The following ITGB8 variants were observed in gnomAD, a reference collection of about 807,000 sequenced individuals.
ITGB8 encodes integrin beta-8.
Under a neutral mutation model 89.5 loss-of-function variants are expected in ITGB8, and 30 were observed. The ratio of observed to expected loss-of-function variants is 0.34; its 90% CI spans 0.25 to 0.45. ITGB8 has a LOEUF of 0.45. Ranked by LOEUF, ITGB8 falls within the 20% of genes least tolerant of loss-of-function variation. The pLI is 1.00. For synonymous variants in ITGB8, 335 were observed against 320.4 expected, an observed-to-expected ratio of 1.05 and a Z score of -0.49; for missense variants, 836 against 933.3, an observed-to-expected ratio of 0.90 and a Z score of 1.36.
chr7:20,395,321 C>T (rs1787026302), intron 8 of ITGB8, among the ~76,000 whole-genome samples: 1 of 152,170 alleles, frequency 6.6e-6, no homozygotes, highest in African/African-American at 2.4e-5. Flanking sequence ...ATTTCCTATG[C>T]CGTAATGATA....
rs1784387129 is a variant in ITGB8 at position 20,331,422 on chromosome 7, G to C, written c.-385G>C. 2 of 403,476 alleles carry C rather than the reference G, an allele frequency of 5.0e-6. No homozygotes were observed. The highest frequency in any genetic ancestry group is 1.3e-4 in the South Asian group (1 of 7,812). 25.0% of individuals were successfully genotyped at this position (403,476 alleles called of 1,614,324 possible). A position where few individuals can be genotyped will look rare whatever the true frequency, so the allele number is the denominator to read the frequency against. ...TGGGTTTGATTGTGTTTGGCTCTTCGCTAAGCTGATTTATGCAGCAGAAGC... is the reference window on the plus strand; with the variant it reads ...TGGGTTTGATTGTGTTTGGCTCTTCCCTAAGCTGATTTATGCAGCAGAAGC... On this transcript the variant is annotated 5_prime_UTR_variant, in exon 1 of 14. Transcript: ENST00000222573.
Position 20,404,789 on chromosome 7 carries a change from C to T in ITGB8, c.1849C>T (p.Pro617Ser). The T allele has an allele frequency of 6.2e-7, 1 of 1,614,180 alleles. No homozygotes were observed. Among genetic ancestry groups the T allele is most frequent in the Non-Finnish European group, 8.5e-7 (1 of 1,180,030 alleles). ...GTGTGGAAGGTGTGAGTGCACCGATCCCAGGAGCATCGGCCGCTTCTGTGA... is the reference window on the plus strand; with the variant it reads ...GTGTGGAAGGTGTGAGTGCACCGATTCCAGGAGCATCGGCCGCTTCTGTGA... ...CVCGRCECTDPRSIGRFCEHC... is the reference protein window; with the variant it reads ...CVCGRCECTDSRSIGRFCEHC... The change falls in exon 11 of 14, where the codon CCC becomes TCC. Residue 617 changes from proline (P) to serine (S), a missense_variant. Coordinates refer to ENST00000222573, the MANE Select transcript of ITGB8 (RefSeq NM_002214.3).
rs549274217 is a variant in ITGB8 at position 20,370,029 on chromosome 7, A to T, written c.388+2843A>T. Among the ~76,000 whole-genome samples, 272 of 152,108 alleles carry T rather than the reference A, an allele frequency of 1.8e-3. 1 individual carries two copies. Among genetic ancestry groups the T allele is most frequent in the African/African-American group, 6.4e-3 (264 of 41,562 alleles). ...GAACTAAGCATCCAAAGATATAAGAAGAAGATAAACAAAAAAAACATAAGA... is the reference window on the plus strand; with the variant it reads ...GAACTAAGCATCCAAAGATATAAGATGAAGATAAACAAAAAAAACATAAGA... On this transcript the variant is annotated intron_variant, in intron 3 of 13. Coordinates refer to ENST00000222573, the MANE Select transcript of ITGB8 (RefSeq NM_002214.3).
At chr7:20,353,705 G>A (rs79182292) in intron 1 of ITGB8, among the ~76,000 whole-genome samples, 11,237 of 147,290 alleles carry the variant, frequency 0.076, 648 homozygotes, top group East Asian at 0.19. Flanking sequence ...AGGCCGAGGC[G>A]GGCGGATCAC....
chr7:20,402,041 C>A lies in ITGB8; in HGVS notation c.1602C>A (p.His534Gln). The A allele has an allele frequency of 6.2e-7, 1 of 1,614,084 alleles. No individual in the cohort carries two copies. The highest frequency in any genetic ancestry group is 1.1e-5 in the South Asian group (1 of 91,078). The change falls in exon 10 of 14, where the codon CAC becomes CAA. Residue 534 changes from histidine to glutamine, a missense_variant. Physicochemically the swap from His to Gln is conservative, Grantham distance 24. Coordinates refer to ENST00000222573, the MANE Select transcript of ITGB8 (RefSeq NM_002214.3). ...GVCVCGKCSC[H>Q]KIKLGKVYGK... ...GTGTTTGTGGGAAATGTTCATGTCA[C>A]AAAATTAAGCTTGGAAAAGTGTATG...
At chr7:20,380,536 C>G in intron 4 of ITGB8, 130 bp from the exon 5 acceptor site, 1 of 677,416 alleles carries the variant, frequency 1.5e-6, no homozygotes, top group Non-Finnish European at 2.5e-6. Context: ...CATAGATTTT[C>G]GTCGTATAAA....
Position 20,409,694 on chromosome 7 carries a change from C to A in ITGB8, c.2103C>A (p.Val701=). ...IVTFLIGLLK[V]LIIRQVILQW... is the part of the protein sequence containing the mutation. ...CATTCTTGATTGGGTTGCTTAAAGTCCTGATCATTAGACAGGTGATACTAC... is the reference window on the plus strand; with the variant it reads ...CATTCTTGATTGGGTTGCTTAAAGTACTGATCATTAGACAGGTGATACTAC... Residue 701 remains valine (V), a synonymous_variant, in exon 13 of 14, where the codon GTC becomes GTA. Coordinates refer to ENST00000222573, the MANE Select transcript of ITGB8 (RefSeq NM_002214.3). 2 of 1,610,130 alleles carry A rather than the reference C, an allele frequency of 1.2e-6. No homozygotes were observed. The highest frequency in any genetic ancestry group is 2.2e-5 in the South Asian group (2 of 90,816).
intron 12 of ITGB8, 90 bp from the exon 13 acceptor site, chr7:20,409,525 T>C: frequency 1.3e-6 from 1 of 789,922 alleles, no homozygotes; most frequent in Non-Finnish European, 1.9e-6. Context: ...TTTGGCACTA[T>C]TAATTGAAGT....
chr7:20,405,374 A>C (rs1787495127), intron 11 of ITGB8, among the ~76,000 whole-genome samples: 1 of 150,094 alleles, frequency 6.7e-6, no homozygotes, highest in African/African-American at 2.4e-5. Flanking sequence ...GCTGGAGTGC[A>C]GTGACATGTC....
At chr7:20,383,418 C>G (rs746629645) in intron 6 of ITGB8, among the ~76,000 whole-genome samples, 1 of 152,140 alleles carries the variant, frequency 6.6e-6, no homozygotes, top group Non-Finnish European at 1.5e-5. Context: ...TCTTATCTAT[C>G]TTTCCTTCTA....
At chr7:20,372,777 A>G (rs1785987428) in intron 3 of ITGB8, among the ~76,000 whole-genome samples, 1 of 152,198 alleles carries the variant, frequency 6.6e-6, no homozygotes, top group Non-Finnish European at 1.5e-5. Context: ...TAACGTGTGT[A>G]AGTCATCTTT....
At chr7:20,399,149 G>A in intron 9 of ITGB8, 155 bp downstream of exon 9, 1 of 710,624 alleles carries the variant, frequency 1.4e-6, no homozygotes, top group African/African-American at 1.8e-5. Context: ...TCTCCTCAAA[G>A]TTCCTACTTG....
chr7:20,378,235 G>A (rs1431808334), intron 3 of ITGB8, among the ~76,000 whole-genome samples: 1 of 152,130 alleles, frequency 6.6e-6, no homozygotes, highest in African/African-American at 2.4e-5. Flanking sequence ...TCCCTGCGGG[G>A]ACTACCGACA....
chr7:20,390,499 T>C (rs2127972151), intron 6 of ITGB8, among the ~76,000 whole-genome samples: 1 of 152,258 alleles, frequency 6.6e-6, no homozygotes, highest in Admixed American at 6.5e-5. Context: ...TCAATTTTCC[T>C]ACTCTTCTCT....
intron 1 of ITGB8, among the ~76,000 whole-genome samples, chr7:20,334,591 C>A (rs1340497691): frequency 1.3e-5 from 2 of 152,086 alleles, no homozygotes; most frequent in Admixed American, 1.3e-4. Flanking sequence ...TCATTACTTC[C>A]CCTCAAAGCG....
intron 1 of ITGB8, among the ~76,000 whole-genome samples, chr7:20,354,544 A>G (rs1377730319): frequency 6.6e-6 from 1 of 152,198 alleles, no homozygotes; most frequent in Non-Finnish European, 1.5e-5. Flanking sequence ...CAGTTCTGAG[A>G]GTAAACGAGC....
chr7:20,343,845 T>C (rs1260694657), intron 1 of ITGB8, among the ~76,000 whole-genome samples: 1 of 152,232 alleles, frequency 6.6e-6, no homozygotes, highest in Non-Finnish European at 1.5e-5. Context: ...TCTATGGCCA[T>C]TTATATTCTG....
chr7:20,356,462 C>T (rs187227951), intron 1 of ITGB8, among the ~76,000 whole-genome samples: 127 of 152,228 alleles, frequency 8.3e-4, no homozygotes, highest in Middle Eastern at 6.8e-3. Context: ...ATGCTCAATT[C>T]GTCTGATTTT....
chr7:20,401,027 T>C (rs140383923), intron 9 of ITGB8, among the ~76,000 whole-genome samples: 2 of 152,310 alleles, frequency 1.3e-5, no homozygotes, highest in African/African-American at 2.4e-5. Flanking sequence ...CAAGCTGTAG[T>C]GCAGTGGTGC....
Sources: allele counts gnomAD v4.1 joint callset (sites outside exome capture counted in the v4.1 genomes callset), GRCh38; gene constraint gnomAD v4.1.1; transcripts MANE v1.5; gene names NCBI Gene and HGNC (gene_info 2026-07-23, HGNC 2026-07-21).